Variants in VAV1 observed in about 807,000 individuals in gnomAD.
VAV1 encodes proto-oncogene vav.
VAV1 carries 33 observed loss-of-function variants against 128.1 expected under a neutral mutation model. That is an observed-to-expected ratio of 0.26 (90% CI 0.20 to 0.34). The LOEUF is 0.34. VAV1 is among the 10% of genes least tolerant of loss of function. The pLI, the probability that VAV1 is intolerant of heterozygous loss-of-function variation, is 1.00. For missense variants in VAV1, 715 were observed against 1,093.7 expected (o/e 0.65, Z 4.88); for synonymous variants, 394 against 409.8 (o/e 0.96, Z 0.47).
At chr19:6,840,313 T>C (rs989543945) in intron 21 of VAV1, among the ~76,000 whole-genome samples, 4 of 151,302 alleles carry the variant, frequency 2.6e-5, no homozygotes, top group African/African-American at 9.7e-5. Flanking sequence ...CTTTTTTTTT[T>C]TTTTTTTGGT....
chr19:6,811,767 G>A (rs1373343808), intron 1 of VAV1, among the ~76,000 whole-genome samples: 3 of 152,056 alleles, frequency 2.0e-5, no homozygotes, highest in South Asian at 2.1e-4. Flanking sequence ...TGGCCCAAAG[G>A]GTACTTCATT....
intron 21 of VAV1, among the ~76,000 whole-genome samples, chr19:6,842,028 C>T (rs968886795): frequency 5.3e-5 from 8 of 151,756 alleles, no homozygotes; most frequent in Non-Finnish European, 1.2e-4. Flanking sequence ...GAGTTTGAGA[C>T]CAGCCCGACC....
At chr19:6,831,598 C>T (rs1212681120) in intron 14 of VAV1, among the ~76,000 whole-genome samples, 1 of 152,148 alleles carries the variant, frequency 6.6e-6, no homozygotes, top group Non-Finnish European at 1.5e-5. Flanking sequence ...AGGTGTAAGC[C>T]ACCGCGCCCG....
intron 18 of VAV1, 47 bp from the exon 19 acceptor site, chr19:6,833,861 C>T (rs1972153511): frequency 1.9e-6 from 3 of 1,614,074 alleles, no homozygotes; most frequent in Non-Finnish European, 1.7e-6. Flanking sequence ...CCTACAAGCC[C>T]CCAGGCTGGG....
In VAV1 at chr19:6,821,908, G is replaced by C. The variant is rs181730532; in HGVS notation, c.449+49G>C. 1.8e-4 allele frequency: 296 copies of C among 1,610,964 alleles called. 3 individuals carry two copies. In the African/African-American group the frequency reaches 3.3e-3, roughly 18 times the overall value. On this transcript the variant is annotated intron_variant, in intron 4 of 26. Transcript: ENST00000602142. ...CACAGCTCACTGGAGCACCGTCCTG[G>C]GGGTGGAGGGTGTGGGGGGACATGG... is the stretch of plus-strand genomic sequence containing the variant.
chr19:6,852,956 G>T lies in VAV1; in HGVS notation c.2218-9G>T. Reference sequence around the variant, plus strand: ...TGGGATAGCATCTGCCATGTGGTCCGCCTTCTAGGAGCTGGTGGAGTTTTA... The same window carrying T: ...TGGGATAGCATCTGCCATGTGGTCCTCCTTCTAGGAGCTGGTGGAGTTTTA... On this transcript the variant is annotated splice_polypyrimidine_tract_variant and intron_variant, in intron 24 of 26. Transcript: ENST00000602142. The T allele has an allele frequency of 6.2e-7, 1 of 1,604,872 alleles. No homozygotes were observed. Among genetic ancestry groups the T allele is most frequent in the Middle Eastern group, 1.7e-4 (1 of 6,018 alleles).
chr19:6,809,707 C>T (rs1568296933), intron 1 of VAV1, among the ~76,000 whole-genome samples: 2 of 152,128 alleles, frequency 1.3e-5, no homozygotes, highest in Admixed American at 6.6e-5. Context: ...GAGTACAAAA[C>T]GGATCAGGAA....
At chr19:6,783,525 A>G (rs1970814420) in intron 1 of VAV1, among the ~76,000 whole-genome samples, 1 of 126,724 alleles carries the variant, frequency 7.9e-6, no homozygotes, top group South Asian at 2.5e-4. Context: ...TCCAGGCTGG[A>G]GTGCAATGGC....
chr19:6,837,819 A>ACTT (rs1471625730), intron 21 of VAV1, among the ~76,000 whole-genome samples: 1 of 152,142 alleles, frequency 6.6e-6, no homozygotes, highest in Non-Finnish European at 1.5e-5. Flanking sequence ...ACCCCTAAAT[A>ACTT]CTTCTTAAGA....
chr19:6,821,803 C>G lies in VAV1; in HGVS notation c.393C>G (p.Thr131=). ...CCTGACCCCCCAGGCCCTTCCCCAC[C>G]GAGGAGGAGAGTGTAGGTGATGAAG... is the stretch of plus-strand genomic sequence containing the variant. ...AQNRGIMPFP[T]EEESVGDEDI... The change falls in exon 4 of 27, where the codon ACC becomes ACG. Residue 131 remains threonine, a synonymous_variant. Coordinates refer to ENST00000602142, the MANE Select transcript of VAV1 (RefSeq NM_005428.4). The G allele has an allele frequency of 1.9e-6, 3 of 1,614,192 alleles. No individual in the cohort carries two copies. The highest frequency in any genetic ancestry group is 2.5e-6 in the Non-Finnish European group (3 of 1,180,030).
intron 1 of VAV1, among the ~76,000 whole-genome samples, chr19:6,805,522 A>T (rs993949436): frequency 6.6e-6 from 1 of 150,518 alleles, no homozygotes; most frequent in African/African-American, 2.4e-5. Flanking sequence ...CAGGAGGATC[A>T]CTTGAGCCCA....
At chr19:6,796,418 C>A (rs772952667) in intron 1 of VAV1, among the ~76,000 whole-genome samples, 1 of 144,638 alleles carries the variant, frequency 6.9e-6, no homozygotes, top group Non-Finnish European at 1.5e-5. Context: ...CCTGAGACCA[C>A]CCTTGGTTCA....
chr19:6,833,457 G>A (rs1972139119), intron 16 of VAV1, 71 bp from the exon 17 acceptor site: 1 of 1,483,584 alleles, frequency 6.7e-7, no homozygotes, highest in Admixed American at 2.1e-5. Context: ...GTCCCTTTAT[G>A]TTTTTAGCAG....
At chr19:6,850,795 A>G (rs772762487) in intron 24 of VAV1, 38 bp downstream of exon 24, 1 of 1,605,726 alleles carries the variant, frequency 6.2e-7, no homozygotes, top group Non-Finnish European at 8.5e-7. Context: ...GCTTTCCAGA[A>G]CCTAGGAGGA....
chr19:6,803,093 C>G (rs1415478953), intron 1 of VAV1, among the ~76,000 whole-genome samples: 1 of 152,078 alleles, frequency 6.6e-6, no homozygotes, highest in Non-Finnish European at 1.5e-5. Context: ...CAGCCTGGGA[C>G]GGTTCTTTGT....
At chr19:6,850,528 G>A in intron 23 of VAV1, 142 bp from the exon 24 acceptor site, 4 of 676,544 alleles carry the variant, frequency 5.9e-6, no homozygotes, top group Non-Finnish European at 1.0e-5. Context: ...CCCAGGGAAT[G>A]GGCTCTGTTG....
At chr19:6,809,392 C>T (rs971403974) in intron 1 of VAV1, among the ~76,000 whole-genome samples, 2 of 152,148 alleles carry the variant, frequency 1.3e-5, no homozygotes, top group Non-Finnish European at 2.9e-5. Context: ...TTCTCTTTGG[C>T]TGGTAGGAGC....
At chr19:6,840,909 C>G (rs1400360567) in intron 21 of VAV1, among the ~76,000 whole-genome samples, 1 of 152,016 alleles carries the variant, frequency 6.6e-6, no homozygotes. Context: ...CCTCGAGTAG[C>G]TGGGATTACA....
At chr19:6,776,211 C>A (rs1970623047) in intron 1 of VAV1, among the ~76,000 whole-genome samples, 1 of 127,248 alleles carries the variant, frequency 7.9e-6, no homozygotes, top group South Asian at 2.9e-4. Context: ...CATCCATCTG[C>A]TCATCCATTT....
Sources: allele counts gnomAD v4.1 joint callset (sites outside exome capture counted in the v4.1 genomes callset), GRCh38; gene constraint gnomAD v4.1.1; transcripts MANE v1.5; gene names NCBI Gene and HGNC (gene_info 2026-07-23, HGNC 2026-07-21).